CCSER1: variants seen among roughly 807,000 people sequenced by gnomAD.
CCSER1 encodes the protein coiled-coil serine rich protein 1.
In CCSER1, 41 loss-of-function variants were observed where a neutral mutation model predicts 82.0. The observed-to-expected ratio is 0.50, with a 90% CI of 0.39 to 0.65. CCSER1 has a LOEUF of 0.65. Ranked by LOEUF, CCSER1 falls within the 30% of genes least tolerant of loss-of-function variation. The probability of loss-of-function intolerance (pLI) is 0.00; values close to 1 mark genes in which losing one functional copy is unlikely to be tolerated. For synonymous variants in CCSER1, 414 were observed against 383.9 expected (o/e 1.08, Z -0.92); for missense variants, 1,119 against 1,064.2 (o/e 1.05, Z -0.72).
At chr4:90,130,454 T>C (rs915076215) in intron 1 of CCSER1, among the ~76,000 whole-genome samples, 21 of 152,116 alleles carry the variant, frequency 1.4e-4, no homozygotes, top group African/African-American at 4.8e-4. Context: ...GATTAGTACA[T>C]TGTGGATAAG....
intron 6 of CCSER1, among the ~76,000 whole-genome samples, chr4:90,665,313 G>A (rs1251451907): frequency 6.8e-6 from 1 of 147,022 alleles, no homozygotes; most frequent in East Asian, 2.0e-4. Flanking sequence ...TGAAACATAT[G>A]CTGAGATTTT....
intron 1 of CCSER1, among the ~76,000 whole-genome samples, chr4:90,144,226 A>G (rs1417085315): frequency 6.6e-6 from 1 of 152,172 alleles, no homozygotes; most frequent in Non-Finnish European, 1.5e-5. Context: ...TGCCTGTTCA[A>G]ATTATAGCTA....
chr4:91,526,106 T>C (rs1760750518), intron 10 of CCSER1, among the ~76,000 whole-genome samples: 1 of 152,170 alleles, frequency 6.6e-6, no homozygotes, highest in Non-Finnish European at 1.5e-5. Context: ...ATCCAGGAGA[T>C]AATCAACTAA....
intron 3 of CCSER1, among the ~76,000 whole-genome samples, chr4:90,352,693 C>T (rs574631159): frequency 1.2e-3 from 184 of 150,864 alleles, no homozygotes; most frequent in African/African-American, 3.6e-3. Flanking sequence ...TGTATATATA[C>T]ACACACACAC....
chr4:90,400,686 G>A (rs1196368065), intron 4 of CCSER1, among the ~76,000 whole-genome samples: 3 of 152,124 alleles, frequency 2.0e-5, no homozygotes, highest in Admixed American at 6.5e-5. Flanking sequence ...TGACTTGAGG[G>A]AGCCTGATAT....
chr4:90,753,442 AAGAG>A (rs773430261), intron 7 of CCSER1, among the ~76,000 whole-genome samples: 12 of 152,050 alleles, frequency 7.9e-5, no homozygotes, highest in East Asian at 1.9e-4. Context: ...AGCCAAAAAT[AAGAG>A]AGAGAGAGGA....
At chr4:90,183,537 G>A (rs910552091) in intron 1 of CCSER1, among the ~76,000 whole-genome samples, 2 of 152,014 alleles carry the variant, frequency 1.3e-5, no homozygotes, top group Non-Finnish European at 2.9e-5. Flanking sequence ...CTCCCACAGT[G>A]CACACACACA....
chr4:90,235,212 G>C (rs1440746471), intron 1 of CCSER1: 2 of 152,598 alleles, frequency 1.3e-5, no homozygotes. Context: ...TGATGCCTTG[G>C]GCTCTCCATG....
intron 10 of CCSER1, among the ~76,000 whole-genome samples, chr4:91,525,818 C>A (rs1760738500): frequency 2.0e-5 from 3 of 152,262 alleles, no homozygotes; most frequent in Middle Eastern, 3.4e-3. Flanking sequence ...ACACTAAATT[C>A]TAAGCCCCAC....
At chr4:90,664,472 A>C (rs1731358849) in intron 6 of CCSER1, among the ~76,000 whole-genome samples, 1 of 152,190 alleles carries the variant, frequency 6.6e-6, no homozygotes, top group South Asian at 2.1e-4. Flanking sequence ...AATAGAATTC[A>C]TCAGCATTGT....
In CCSER1 at chr4:91,520,502, T is replaced by C. The variant is rs1380468417; in HGVS notation, c.2218-78070T>C. 2.6e-5 allele frequency among the ~76,000 whole-genome samples: 4 copies of C among 152,208 alleles called. No homozygotes were observed. The East Asian group carries it at 7.7e-4, about 29-fold the overall frequency. ...ATCACAATCTATCAACTTGGTTTTATAATAATTGCTTTTTGCAATGATCTT... is the reference window on the plus strand; with the variant it reads ...ATCACAATCTATCAACTTGGTTTTACAATAATTGCTTTTTGCAATGATCTT... On this transcript the variant is annotated intron_variant, in intron 10 of 10. Transcript: ENST00000509176.
chr4:91,522,820 C>G (rs1016695314), intron 10 of CCSER1, among the ~76,000 whole-genome samples: 9 of 152,166 alleles, frequency 5.9e-5, no homozygotes, highest in Non-Finnish European at 1.0e-4. Flanking sequence ...CATCTGCAAA[C>G]AGGGACAATT....
At chr4:90,619,759 T>C (rs1721962482) in intron 5 of CCSER1, among the ~76,000 whole-genome samples, 1 of 152,044 alleles carries the variant, frequency 6.6e-6, no homozygotes, top group South Asian at 2.1e-4. Context: ...GTGTGTATCT[T>C]TATGTGTATA....
chr4:91,124,506 T>C (rs1385521442), intron 10 of CCSER1, among the ~76,000 whole-genome samples: 2 of 151,794 alleles, frequency 1.3e-5, no homozygotes, highest in African/African-American at 4.8e-5. Context: ...TGATTCAAGC[T>C]TCCCCATCTC....
At chr4:90,838,852 A>G in intron 8 of CCSER1, 1 of 1,609,032 alleles carries the variant, frequency 6.2e-7, no homozygotes, top group Non-Finnish European at 8.5e-7. Context: ...AAGTAAAATA[A>G]GAAGGCAATG....
chr4:90,426,740 T>C (rs1757579457), intron 4 of CCSER1, among the ~76,000 whole-genome samples: 1 of 152,164 alleles, frequency 6.6e-6, no homozygotes, highest in Non-Finnish European at 1.5e-5. Context: ...AAAGAGTTTG[T>C]TCTTCACAAT....
At chr4:91,595,175 A>G (rs1764507886) in intron 10 of CCSER1, among the ~76,000 whole-genome samples, 1 of 152,130 alleles carries the variant, frequency 6.6e-6, no homozygotes, top group African/African-American at 2.4e-5. Context: ...ATTGGAGACC[A>G]CTATTAAGAA....
intron 4 of CCSER1, among the ~76,000 whole-genome samples, chr4:90,413,046 G>T (rs1003160974): frequency 1.1e-4 from 17 of 152,078 alleles, no homozygotes; most frequent in East Asian, 5.8e-4. Context: ...CATATACCTA[G>T]AAAACCCTAA....
At chr4:91,010,089 G>A (rs554079164) in intron 9 of CCSER1, among the ~76,000 whole-genome samples, 3 of 152,224 alleles carry the variant, frequency 2.0e-5, no homozygotes, top group East Asian at 3.9e-4. Flanking sequence ...ATCTAGTGGT[G>A]ATGAATTATT....
Sources: allele counts gnomAD v4.1 joint callset (sites outside exome capture counted in the v4.1 genomes callset), GRCh38; gene constraint gnomAD v4.1.1; transcripts MANE v1.5; gene names NCBI Gene and HGNC (gene_info 2026-07-23, HGNC 2026-07-21).